The following MED1 variants were observed in gnomAD, a reference collection of about 807,000 sequenced individuals.
MED1 encodes the protein mediator complex subunit 1, also known as mediator of RNA polymerase II transcription subunit 1.
A neutral mutation model predicts 121.3 loss-of-function variants in MED1; 17 were observed. That is an observed-to-expected ratio of 0.14 (90% confidence interval 0.10 to 0.21). The LOEUF (loss-of-function observed/expected upper bound fraction) is 0.21, where lower values mean the gene tolerates loss of function less well. MED1 is among the 10% of genes least tolerant of loss of function. MED1 has a pLI of 1.00. For synonymous variants in MED1, 661 were observed against 694.4 expected, an observed-to-expected ratio of 0.95 and a Z score of 0.76; for missense variants, 1,558 against 1,919.4, an observed-to-expected ratio of 0.81 and a Z score of 3.52.
intron 16 of MED1, 100 bp from the exon 17 acceptor site, chr17:39,410,821 A>G: frequency 1.4e-6 from 2 of 1,475,294 alleles, no homozygotes; most frequent in African/African-American, 1.4e-5. Flanking sequence ...AGCAGTTTTC[A>G]GGTAGGGCAA....
In MED1 at chr17:39,407,398, C is replaced by T. The variant is rs967326479; in HGVS notation, c.*77G>A. 6.7e-7 allele frequency: 1 copy of T among 1,486,700 alleles called. No homozygotes were observed. Among genetic ancestry groups the T allele is most frequent in the Non-Finnish European group, 8.9e-7 (1 of 1,121,156 alleles). The allele number at this position is 1,486,700 out of a possible 1,614,324, so 92.1% of individuals were successfully genotyped here. On this transcript the variant is annotated 3_prime_UTR_variant, in exon 17 of 17. Transcript: ENST00000300651. ...ACCAAATCAGACCTGTCTGACTCAC[C>T]CCTTATGGTGGTTTGCCTATAAACT...
At chr17:39,446,269 T>C (rs1307357497) in intron 2 of MED1, among the ~76,000 whole-genome samples, 1 of 150,032 alleles carries the variant, frequency 6.7e-6, no homozygotes, top group East Asian at 2.0e-4. Flanking sequence ...GCTAACACGG[T>C]GAAACCCCGT....
At chr17:39,443,654 G>T in intron 2 of MED1, 26 bp from the exon 3 acceptor site, 1 of 1,588,208 alleles carries the variant, frequency 6.3e-7, no homozygotes, top group Non-Finnish European at 8.6e-7. Context: ...AAACATTTGA[G>T]GTGAAAATTA....
At chr17:39,423,244 C>T (rs1310430830) in intron 13 of MED1, 83 bp downstream of exon 13, 7 of 1,009,890 alleles carry the variant, frequency 6.9e-6, no homozygotes, top group Non-Finnish European at 9.3e-6. Context: ...ACTTATCTGA[C>T]CTCAATAATG....
chr17:39,419,610 A>G, intron 14 of MED1, 107 bp downstream of exon 14: 1 of 1,169,662 alleles, frequency 8.5e-7, no homozygotes, highest in Non-Finnish European at 1.2e-6. Context: ...GAAAAAAAAA[A>G]AACTTTTTTT....
intron 3 of MED1, among the ~76,000 whole-genome samples, chr17:39,441,657 CCT>C (rs1466725216): frequency 2.6e-5 from 4 of 152,002 alleles, no homozygotes; most frequent in African/African-American, 9.7e-5. Context: ...ATAATCCCAC[CCT>C]CTCGGGAGGC....
intron 14 of MED1, among the ~76,000 whole-genome samples, chr17:39,415,854 G>T (rs2048404654): frequency 6.7e-6 from 1 of 149,290 alleles, no homozygotes; most frequent in African/African-American, 2.5e-5. Context: ...GCCGGGTGTG[G>T]TGGCGCACAC....
intron 9 of MED1, among the ~76,000 whole-genome samples, chr17:39,429,832 A>G (rs191254521): frequency 6.6e-6 from 1 of 152,060 alleles, no homozygotes; most frequent in Admixed American, 6.6e-5. Flanking sequence ...TATGCTTATA[A>G]TCCCAACCCT....
At chr17:39,423,625 C>T in intron 12 of MED1, 72 bp downstream of exon 12, 1 of 1,597,284 alleles carries the variant, frequency 6.3e-7, no homozygotes, top group Non-Finnish European at 8.6e-7. Context: ...TGAAAGACGT[C>T]ATGATAACCT....
Position 39,409,836 on chromosome 17 carries a change from G to A in MED1, c.2385C>T (p.Ser795=). ...DIAEEASKLP[S]TSDDCPAIGT... is the part of the protein sequence containing the mutation. Reference sequence around the variant, plus strand: ...CAATGGCTGGGCAATCATCACTAGTGCTGGGAAGTTTAGAAGCTTCTTCTG... The same window carrying A: ...CAATGGCTGGGCAATCATCACTAGTACTGGGAAGTTTAGAAGCTTCTTCTG... The change falls in exon 17 of 17, where the codon AGC becomes AGT. Residue 795 remains serine (S), a synonymous_variant. Coordinates refer to ENST00000300651, the MANE Select transcript of MED1 (RefSeq NM_004774.4). 2.5e-6 allele frequency: 4 copies of A among 1,614,204 alleles called. No homozygotes were observed. Among genetic ancestry groups the A allele is most frequent in the Non-Finnish European group, 2.5e-6 (3 of 1,180,034 alleles).
intron 14 of MED1, among the ~76,000 whole-genome samples, chr17:39,416,438 C>G (rs2048409957): frequency 6.6e-6 from 1 of 152,186 alleles, no homozygotes; most frequent in Non-Finnish European, 1.5e-5. Flanking sequence ...ATCATATGTT[C>G]TTATGCCAGA....
chr17:39,434,312 T>A lies in MED1; in HGVS notation c.437A>T (p.Asn146Ile), dbSNP rs779110124. 11 of 1,556,888 alleles carry A rather than the reference T, an allele frequency of 7.1e-6. No homozygotes were observed. Among genetic ancestry groups the A allele is most frequent in the Admixed American group, 2.0e-5 (1 of 50,028 alleles). The part of the protein sequence containing the change: ...PELVQQLREK[N>I]FDEFSKHLKG... Reference sequence around the variant, plus strand: ...AAGGTGCTTAGAAAATTCATCAAAATTTTTTTCCCTATAAGGAGTTCAGGG... The same window carrying A: ...AAGGTGCTTAGAAAATTCATCAAAAATTTTTTCCCTATAAGGAGTTCAGGG... Residue 146 changes from asparagine to isoleucine, a missense_variant, in exon 7 of 17, where the codon AAT becomes ATT. By Grantham distance (149) the Asn-to-Ile change is moderately radical (BLOSUM62 -3). Coordinates refer to ENST00000300651, the MANE Select transcript of MED1 (RefSeq NM_004774.4).
rs1478034478 is a variant in MED1, at chr17:39,434,295, T to C, written c.454A>G (p.Lys152Glu). ...AGATTAACAAGGCCCTTAAGGTGCT[T>C]AGAAAATTCATCAAAATTTTTTTCC... ...LREKNFDEFS[K>E]HLKGLVNLYN... Residue 152 changes from lysine (K) to glutamate (E), a missense_variant, in exon 7 of 17, where the codon AAG becomes GAG. Physicochemically the swap from Lys to Glu is moderately conservative, Grantham distance 56. Transcript: ENST00000300651. The C allele has an allele frequency of 6.4e-6, 10 of 1,568,226 alleles. No individual in the cohort carries two copies. The highest frequency in any genetic ancestry group is 8.6e-6 in the Non-Finnish European group (10 of 1,160,072).
Position 39,424,633 on chromosome 17 carries a change from T to C in MED1, c.845A>G (p.Asn282Ser), listed in dbSNP as rs766439272. Residue 282 changes from asparagine to serine, a missense_variant, in exon 11 of 17, where the codon AAT (asparagine) becomes AGT (serine). Asn to Ser is a conservative substitution (Grantham distance 46). Coordinates refer to ENST00000300651, the MANE Select transcript of MED1 (RefSeq NM_004774.4). Reference protein sequence around the residue: ...PLIMGSHPVDNKWTPSFSSIT... With the variant: ...PLIMGSHPVDSKWTPSFSSIT... ...AAAATTATATTTAACTTACCATTTA[T>C]TGTCAACTGGATGTGACCCCATAAT... is the stretch of plus-strand genomic sequence containing the variant. 2.5e-6 allele frequency: 4 copies of C among 1,573,880 alleles called. No homozygotes were observed. Among genetic ancestry groups the C allele is most frequent in the Non-Finnish European group, 3.5e-6 (4 of 1,152,828 alleles).
intron 10 of MED1, among the ~76,000 whole-genome samples, chr17:39,426,238 G>C (rs566414448): frequency 8.5e-5 from 13 of 152,228 alleles, no homozygotes; most frequent in African/African-American, 3.1e-4. Context: ...CTTCAGGTAA[G>C]GAGTTCAAGA....
intron 14 of MED1, among the ~76,000 whole-genome samples, chr17:39,416,024 T>G (rs974781959): frequency 6.6e-6 from 1 of 150,908 alleles, no homozygotes; most frequent in African/African-American, 2.4e-5. Flanking sequence ...ACAAATAACA[T>G]TCCTTAAATG....
rs959186446 is a variant in MED1 at position 39,423,575 on chromosome 17, A to G, written c.976+122T>C. On this transcript the variant is annotated intron_variant, in intron 12 of 16. Coordinates refer to ENST00000300651, the MANE Select transcript of MED1 (RefSeq NM_004774.4). Reference sequence around the variant, plus strand: ...AGCATTTACTAGTACAAAGCACTATAACATCTTTACCAGTAATACTTCAAT... The same window carrying G: ...AGCATTTACTAGTACAAAGCACTATGACATCTTTACCAGTAATACTTCAAT... 3.4e-6 allele frequency: 5 copies of G among 1,470,966 alleles called. 1 individual carries two copies. The highest frequency in any genetic ancestry group is 4.7e-6 in the Non-Finnish European group (5 of 1,055,572). 91.1% of individuals were successfully genotyped at this position (1,470,966 alleles called of 1,614,324 possible).
At chr17:39,442,025 T>C (rs1436757639) in intron 3 of MED1, among the ~76,000 whole-genome samples, 2 of 139,840 alleles carry the variant, frequency 1.4e-5, no homozygotes, top group Admixed American at 1.5e-4. Context: ...ATCACTTGAA[T>C]CCGGGAAACG....
chr17:39,446,752 C>T (rs1392489308), intron 2 of MED1, among the ~76,000 whole-genome samples: 1 of 150,390 alleles, frequency 6.6e-6, no homozygotes, highest in Non-Finnish European at 1.5e-5. Context: ...CCAGCCTGGC[C>T]ACAGAGCAAG....
Sources: gnomAD v4.1 joint callset for allele counts (sites outside exome capture counted in the v4.1 genomes callset) on GRCh38, gnomAD v4.1.1 for gene constraint, MANE v1.5 for transcripts, NCBI Gene and HGNC (gene_info 2026-07-23, HGNC 2026-07-21) for gene names.